Variants in WAC observed in about 807,000 individuals in gnomAD.
The protein encoded by WAC is WW domain containing adaptor with coiled-coil, also known as WW domain-containing adapter protein with coiled-coil.
In WAC, 11 loss-of-function variants were observed where a neutral mutation model predicts 79.6. The ratio of observed to expected loss-of-function variants is 0.14; its 90% CI spans 0.09 to 0.23. The LOEUF is 0.23. Ranked by LOEUF, WAC falls within the 10% of genes least tolerant of loss-of-function variation. The pLI is 1.00. For missense variants in WAC, 728 were observed against 773.5 expected (o/e 0.94, Z 0.70); for synonymous variants, 304 against 276.9 (o/e 1.10, Z -0.97).
chr10:28,534,275 T>C, intron 2 of WAC: 1 of 435,972 alleles, frequency 2.3e-6, no homozygotes, highest in East Asian at 3.7e-5. Context: ...AAAGAATCAT[T>C]TGCAGCCAGA....
intron 3 of WAC, among the ~76,000 whole-genome samples, chr10:28,545,263 G>A (rs1010639143): frequency 6.6e-6 from 1 of 152,072 alleles, no homozygotes; most frequent in African/African-American, 2.4e-5. Context: ...AGGCCGAGGA[G>A]GGCGGATCAC....
At chr10:28,552,626 CTT>C (rs972503479) in intron 3 of WAC, among the ~76,000 whole-genome samples, 48 of 152,168 alleles carry the variant, frequency 3.2e-4, no homozygotes, top group African/African-American at 1.1e-3. Flanking sequence ...AGTCAGAACT[CTT>C]TGAATATTGA....
chr10:28,540,424 C>T (rs1836947219), intron 3 of WAC, among the ~76,000 whole-genome samples: 1 of 152,126 alleles, frequency 6.6e-6, no homozygotes, highest in Non-Finnish European at 1.5e-5. Context: ...ATATCTTCAC[C>T]CTTCTTCCCT....
chr10:28,602,579 C>A (rs552815758), intron 7 of WAC, among the ~76,000 whole-genome samples: 1 of 152,274 alleles, frequency 6.6e-6, no homozygotes, highest in South Asian at 2.1e-4. Flanking sequence ...CTCAGTATTA[C>A]AGCAACTGTC....
chr10:28,560,004 G>A (rs1838214843), intron 3 of WAC, among the ~76,000 whole-genome samples: 1 of 152,116 alleles, frequency 6.6e-6, no homozygotes, highest in African/African-American at 2.4e-5. Flanking sequence ...TGTGATTCTG[G>A]ATAATTTTGA....
chr10:28,592,719 T>A (rs925872537), intron 6 of WAC, among the ~76,000 whole-genome samples: 2 of 152,206 alleles, frequency 1.3e-5, no homozygotes, highest in Admixed American at 1.3e-4. Flanking sequence ...TAGGCCATAT[T>A]CGTAAATAGG....
At chr10:28,555,726 G>T (rs772908394) in intron 3 of WAC, among the ~76,000 whole-genome samples, 4 of 152,076 alleles carry the variant, frequency 2.6e-5, no homozygotes, top group African/African-American at 9.7e-5. Context: ...TGGGCCTTTG[G>T]CAAGTAATTA....
intron 9 of WAC, 123 bp downstream of exon 9, chr10:28,610,944 A>G (rs1841211048): frequency 1.7e-6 from 2 of 1,158,980 alleles, no homozygotes; most frequent in Non-Finnish European, 2.3e-6. Flanking sequence ...GAGATTAGCT[A>G]CAATAATTTT....
At chr10:28,616,769 A>T (rs1173224396) in intron 12 of WAC, among the ~76,000 whole-genome samples, 2 of 152,210 alleles carry the variant, frequency 1.3e-5, no homozygotes, top group Non-Finnish European at 2.9e-5. Context: ...TGATAGTTTC[A>T]GATTCCATTA....
chr10:28,582,771 T>C (rs546205285), intron 3 of WAC, among the ~76,000 whole-genome samples: 108 of 152,326 alleles, frequency 7.1e-4, no homozygotes, highest in Non-Finnish European at 1.3e-3. Flanking sequence ...CACTGACATA[T>C]ACAGATTTTC....
intron 10 of WAC, among the ~76,000 whole-genome samples, chr10:28,612,290 A>C (rs1216878825): frequency 6.6e-6 from 1 of 152,234 alleles, no homozygotes; most frequent in African/African-American, 2.4e-5. Context: ...AAAATGAGGC[A>C]GTTTCTGTGC....
At chr10:28,573,373 A>C (rs1463152203) in intron 3 of WAC, among the ~76,000 whole-genome samples, 1 of 152,168 alleles carries the variant, frequency 6.6e-6, no homozygotes, top group African/African-American at 2.4e-5. Flanking sequence ...TGGATATGTC[A>C]TATAAACTGA....
Position 28,619,712 on chromosome 10 carries a change from G to T in WAC, c.*106G>T. 1 of 886,264 alleles carries T rather than the reference G, an allele frequency of 1.1e-6. No individual in the cohort carries two copies. The highest frequency in any genetic ancestry group is 3.6e-5 in the Admixed American group (1 of 27,410). 54.9% of individuals were successfully genotyped at this position (886,264 alleles called of 1,614,324 possible). A position where few individuals can be genotyped will look rare whatever the true frequency, so the allele number is the denominator to read the frequency against. On this transcript the variant is annotated 3_prime_UTR_variant, in exon 14 of 14. Transcript: ENST00000354911. The stretch of plus-strand genomic sequence containing the variant: ...AAGTAGACTTTGGACCGTTAAGCTG[G>T]GCAAAGGAAATGACAAGGGGACGGG...
At chr10:28,533,674 G>GCGGC in intron 1 of WAC, 54 bp downstream of exon 1, 2 of 1,505,130 alleles carry the variant, frequency 1.3e-6, no homozygotes, top group Non-Finnish European at 1.8e-6. Flanking sequence ...GCGGCGGGGG[G>GCGGC]GCTGTTCCTC....
intron 3 of WAC, among the ~76,000 whole-genome samples, chr10:28,582,756 G>T (rs775527545): frequency 2.6e-5 from 4 of 152,088 alleles, no homozygotes; most frequent in Non-Finnish European, 4.4e-5. Context: ...ACTTTTTTCT[G>T]TGGTCACTGA....
intron 3 of WAC, among the ~76,000 whole-genome samples, chr10:28,536,297 A>G (rs1431312270): frequency 6.6e-6 from 1 of 151,484 alleles, no homozygotes; most frequent in East Asian, 1.9e-4. Context: ...GAATGCATTT[A>G]TGAATATAGT....
chr10:28,565,641 C>A (rs1193950484), intron 3 of WAC, among the ~76,000 whole-genome samples: 2 of 152,128 alleles, frequency 1.3e-5, no homozygotes, highest in Non-Finnish European at 2.9e-5. Flanking sequence ...TATCTGTTGT[C>A]TTCTCATTAC....
chr10:28,553,103 A>G (rs2790454), intron 3 of WAC, among the ~76,000 whole-genome samples: 54,709 of 151,944 alleles, frequency 0.36, 10,748 homozygotes, highest in East Asian at 0.54. Context: ...TGTTCATTTA[A>G]TATTTTCATC....
At position 28,535,588 on chromosome 10, in the gene WAC, C is replaced by T. The variant is rs751692157; in HGVS notation, c.105C>T (p.His35=). ...YQALKYSSKS[H]PSSGDHRHEK... is the part of the protein sequence containing the mutation. Reference sequence around the variant, plus strand: ...CACTTAAGTATTCATCGAAGAGTCACCCCAGTAGCGGTGATCACAGACATG... The same window carrying T: ...CACTTAAGTATTCATCGAAGAGTCATCCCAGTAGCGGTGATCACAGACATG... Residue 35 remains histidine, a synonymous_variant, in exon 3 of 14, where the codon CAC becomes CAT. Coordinates refer to ENST00000354911, the MANE Select transcript of WAC (RefSeq NM_016628.5). 6.2e-7 allele frequency: 1 copy of T among 1,613,488 alleles called. No homozygotes were observed. Among genetic ancestry groups the T allele is most frequent in the South Asian group, 1.1e-5 (1 of 91,048 alleles).
Sources: gnomAD v4.1 joint callset for allele counts (sites outside exome capture counted in the v4.1 genomes callset) on GRCh38, gnomAD v4.1.1 for gene constraint, MANE v1.5 for transcripts, NCBI Gene and HGNC (gene_info 2026-07-23, HGNC 2026-07-21) for gene names.